Variants in TRHDE observed in about 807,000 individuals in gnomAD.
The protein encoded by TRHDE is thyrotropin releasing hormone degrading enzyme.
In TRHDE, 72 loss-of-function variants were observed where a neutral mutation model predicts 125.7. The ratio of observed to expected loss-of-function variants is 0.57; its 90% CI spans 0.47 to 0.70. TRHDE has a LOEUF of 0.70. TRHDE is among the 30% of genes least tolerant of loss of function. TRHDE has a pLI of 0.00. For synonymous variants in TRHDE, 509 were observed against 509.1 expected, an observed-to-expected ratio of 1.00 and a Z score of 0.00; for missense variants, 1,110 against 1,327.1, an observed-to-expected ratio of 0.84 and a Z score of 2.54.
chr12:72,515,548 T>C (rs1878808536), intron 6 of TRHDE, among the ~76,000 whole-genome samples: 1 of 152,198 alleles, frequency 6.6e-6, no homozygotes, highest in South Asian at 2.1e-4. Context: ...TAGCCCTTTG[T>C]CAGATGAGTA....
intron 2 of TRHDE, among the ~76,000 whole-genome samples, chr12:72,233,325 G>C (rs998646885): frequency 1.2e-4 from 19 of 152,080 alleles, no homozygotes; most frequent in African/African-American, 4.3e-4. Context: ...AGAATTGTAG[G>C]CAACTCTGCC....
Position 72,546,825 on chromosome 12 carries a change from G to C in TRHDE, c.1788+4469G>C, listed in dbSNP as rs182889884. 3.0e-4 allele frequency among the ~76,000 whole-genome samples: 46 copies of C among 151,732 alleles called. 1 individual carries two copies. In the Admixed American group the frequency reaches 3.0e-3, roughly 10 times the overall value. On this transcript the variant is annotated intron_variant, in intron 7 of 18. Coordinates refer to ENST00000261180, the MANE Select transcript of TRHDE (RefSeq NM_013381.3). ...TAATACACAAATTCTCAGCTGCCTA[G>C]AGTACACCTGAAAGCCACTGGTAAT... is the stretch of plus-strand genomic sequence containing the variant.
At chr12:72,635,929 G>C (rs1364053856) in intron 15 of TRHDE, among the ~76,000 whole-genome samples, 4 of 151,890 alleles carry the variant, frequency 2.6e-5, no homozygotes, top group Non-Finnish European at 5.9e-5. Flanking sequence ...TTTGAAGTCA[G>C]GTAGCATGAT....
At chr12:72,424,224 G>A (rs1323548191) in intron 3 of TRHDE, among the ~76,000 whole-genome samples, 1 of 152,030 alleles carries the variant, frequency 6.6e-6, no homozygotes, top group Non-Finnish European at 1.5e-5. Flanking sequence ...ATTGATACTT[G>A]GTGGTCCTTG....
At chr12:72,282,625 G>A (rs139184970) in intron 1 of TRHDE, among the ~76,000 whole-genome samples, 1 of 152,308 alleles carries the variant, frequency 6.6e-6, no homozygotes, top group East Asian at 1.9e-4. Flanking sequence ...GATGTAACCA[G>A]AATCTGCAAG....
At chr12:72,571,397 T>G (rs1014963379) in intron 10 of TRHDE, among the ~76,000 whole-genome samples, 1 of 152,192 alleles carries the variant, frequency 6.6e-6, no homozygotes, top group Non-Finnish European at 1.5e-5. Context: ...TACATGATAT[T>G]AAGGCAGTCA....
intron 12 of TRHDE, among the ~76,000 whole-genome samples, chr12:72,583,543 A>G (rs1340666242): frequency 6.6e-6 from 1 of 152,190 alleles, no homozygotes; most frequent in Non-Finnish European, 1.5e-5. Context: ...TTCATATCCA[A>G]AACACCTCTA....
chr12:72,258,150 A>ATTCT (rs1226902859), intron 2 of TRHDE: 2 of 152,178 alleles, frequency 1.3e-5, no homozygotes, highest in African/African-American at 4.8e-5. Context: ...AGGTTCTTCC[A>ATTCT]GTAGGGTGAA....
At chr12:72,190,524 C>G (rs1261329320) in intron 2 of TRHDE, among the ~76,000 whole-genome samples, 2 of 152,134 alleles carry the variant, frequency 1.3e-5, no homozygotes, top group Non-Finnish European at 2.9e-5. Flanking sequence ...CTAAGGAATT[C>G]AGGAATTTTG....
At chr12:72,280,261 A>T (rs919031263) in intron 1 of TRHDE, among the ~76,000 whole-genome samples, 2 of 152,198 alleles carry the variant, frequency 1.3e-5, no homozygotes, top group African/African-American at 2.4e-5. Context: ...GGTTGTTGTG[A>T]TGATTACATC....
chr12:72,180,097 TG>T (rs1273115992), intron 2 of TRHDE, among the ~76,000 whole-genome samples: 3 of 151,990 alleles, frequency 2.0e-5, no homozygotes, highest in African/African-American at 7.2e-5. Flanking sequence ...TTAATACTTG[TG>T]CCTCCATTCT....
chr12:72,193,608 CG>C (rs1464677843), intron 2 of TRHDE, among the ~76,000 whole-genome samples: 1 of 152,032 alleles, frequency 6.6e-6, no homozygotes, highest in African/African-American at 2.4e-5. Flanking sequence ...CAAACTTCAC[CG>C]GGAAGTAGGG....
chr12:72,624,350 C>T (rs1305481314), intron 15 of TRHDE, among the ~76,000 whole-genome samples: 1 of 151,600 alleles, frequency 6.6e-6, no homozygotes, highest in Non-Finnish European at 1.5e-5. Flanking sequence ...TTACAAAAGT[C>T]ATCTAAGAAA....
Position 72,468,071 on chromosome 12 carries a change from C to T in TRHDE, c.1316-1687C>T, listed in dbSNP as rs1034982786. Among the ~76,000 whole-genome samples, 151 of 152,176 alleles carry T rather than the reference C, an allele frequency of 9.9e-4. 4 individuals carry two copies. Among genetic ancestry groups the T allele is most frequent in the Admixed American group, 9.9e-3 (151 of 15,280 alleles). ...GACTGTCTTCCATCCTTTTCCCCTCCATTCTTCCATGAAGCAATCATGATC... is the reference window on the plus strand; with the variant it reads ...GACTGTCTTCCATCCTTTTCCCCTCTATTCTTCCATGAAGCAATCATGATC... On this transcript the variant is annotated intron_variant, in intron 3 of 18. Coordinates refer to ENST00000261180, the MANE Select transcript of TRHDE (RefSeq NM_013381.3).
intron 3 of TRHDE, among the ~76,000 whole-genome samples, chr12:72,399,704 A>G (rs1358263951): frequency 6.6e-6 from 1 of 152,154 alleles, no homozygotes; most frequent in African/African-American, 2.4e-5. Context: ...ACTGGATTTT[A>G]GATGATTTCT....
Position 72,151,629 on chromosome 12 carries a change from C to G in TRHDE, n.279+45877C>G, listed in dbSNP as rs1174116640. ...TTCTACATATGGCTAGCCAGTTTTC[C>G]CAGCACCATTTATTAAATAGGGAAT... On this transcript the variant is annotated intron_variant and non_coding_transcript_variant, in intron 2 of 4. Transcript: ENST00000548156. Among the ~76,000 whole-genome samples the G allele has an allele frequency of 7.1e-3, 1,073 of 151,940 alleles. 5 individuals carry two copies. Among genetic ancestry groups the G allele is most frequent in the Non-Finnish European group, 0.011 (769 of 67,904 alleles).
chr12:72,340,148 C>A (rs757632597), intron 2 of TRHDE, among the ~76,000 whole-genome samples: 1 of 152,100 alleles, frequency 6.6e-6, no homozygotes, highest in Non-Finnish European at 1.5e-5. Context: ...CTCCCTGTTG[C>A]ATAACTCACC....
intron 2 of TRHDE, among the ~76,000 whole-genome samples, chr12:72,174,066 A>G (rs2468277): frequency 6.6e-6 from 1 of 152,206 alleles, no homozygotes; most frequent in African/African-American, 2.4e-5. Context: ...AGAATATTAA[A>G]CGTTGATGTA....
chr12:72,393,743 CA>C lies in TRHDE; in HGVS notation c.1315+15623del, dbSNP rs1310906003. Among the ~76,000 whole-genome samples the C allele has an allele frequency of 3.3e-5, 5 of 152,108 alleles. No individual in the cohort carries two copies. The East Asian group carries it at 9.6e-4, about 29-fold the overall frequency. ...CGGTATAATGCTGTGTTATAGTTGA[CA>C]TTTTTTTTGTACAGAGCCTAGAGAA... On this transcript the variant is annotated intron_variant, in intron 3 of 18. Transcript: ENST00000261180.
Sources: gnomAD v4.1 joint callset for allele counts (sites outside exome capture counted in the v4.1 genomes callset) on GRCh38, gnomAD v4.1.1 for gene constraint, MANE v1.5 for transcripts, NCBI Gene and HGNC (gene_info 2026-07-23, HGNC 2026-07-21) for gene names.